Variants in RALGAPA2 observed in about 807,000 individuals in gnomAD.
The protein encoded by RALGAPA2 is Ral GTPase activating protein catalytic subunit alpha 2, also known as ral GTPase-activating protein subunit alpha-2.
In RALGAPA2, 139 loss-of-function variants were observed where a neutral mutation model predicts 230.4. The observed-to-expected ratio is 0.60, with a 90% confidence interval of 0.53 to 0.69. RALGAPA2 has a LOEUF of 0.69. Among genes scored for constraint, RALGAPA2 ranks in the 30% least tolerant of loss-of-function variants. RALGAPA2 has a pLI of 0.00. For missense variants in RALGAPA2, 2,163 were observed against 2,276.0 expected, an observed-to-expected ratio of 0.95 and a Z score of 1.01; for synonymous variants, 847 against 837.8, an observed-to-expected ratio of 1.01 and a Z score of -0.19.
At chr20:20,660,616 C>T (rs532579768) in intron 3 of RALGAPA2, among the ~76,000 whole-genome samples, 1 of 152,138 alleles carries the variant, frequency 6.6e-6, no homozygotes, top group Admixed American at 6.5e-5. Context: ...TGGCATCTAA[C>T]CTCATGAAGT....
intron 14 of RALGAPA2, among the ~76,000 whole-genome samples, chr20:20,608,762 G>A: frequency 6.6e-6 from 1 of 152,176 alleles, no homozygotes; most frequent in Admixed American, 6.5e-5. Flanking sequence ...ACGTAAGAAC[G>A]TGGGAGGTCA....
chr20:20,682,443 A>G (rs2068553251), intron 1 of RALGAPA2, among the ~76,000 whole-genome samples: 1 of 152,140 alleles, frequency 6.6e-6, no homozygotes, highest in Non-Finnish European at 1.5e-5. Flanking sequence ...CCACTAACTG[A>G]GCCCTCTTTC....
At chr20:20,681,049 A>G (rs1361171383) in intron 1 of RALGAPA2, among the ~76,000 whole-genome samples, 1 of 152,216 alleles carries the variant, frequency 6.6e-6, no homozygotes, top group Non-Finnish European at 1.5e-5. Flanking sequence ...CGGAGCTGAC[A>G]GGAGCCAGCA....
At chr20:20,538,068 G>A (rs900534052) in intron 24 of RALGAPA2, among the ~76,000 whole-genome samples, 15 of 152,190 alleles carry the variant, frequency 9.9e-5, no homozygotes, top group Admixed American at 1.3e-4. Context: ...AGAGAGATGA[G>A]GCGCAGTATG....
At chr20:20,689,486 A>G (rs761999041) in intron 1 of RALGAPA2, among the ~76,000 whole-genome samples, 3 of 152,220 alleles carry the variant, frequency 2.0e-5, no homozygotes, top group Non-Finnish European at 2.9e-5. Context: ...TACTAAAAAT[A>G]CAAAAATCAG....
In RALGAPA2 at chr20:20,523,049, A is replaced by T. The variant is rs1602640841; in HGVS notation, c.3900+1357T>A. Among the ~76,000 whole-genome samples the T allele has an allele frequency of 4.6e-5, 7 of 152,258 alleles. No individual in the cohort carries two copies. The East Asian group carries it at 1.3e-3, about 29-fold the overall frequency. ...CCACAATTAGGTGTTTTTTTTTTAA[A>T]GTAATACTTTTAAAAATAAGGCAAC... On this transcript the variant is annotated intron_variant, in intron 30 of 39. Transcript: ENST00000202677.
intron 37 of RALGAPA2, among the ~76,000 whole-genome samples, chr20:20,427,675 G>A (rs568062376): frequency 2.6e-5 from 4 of 152,128 alleles, no homozygotes; most frequent in Middle Eastern, 3.4e-3. Flanking sequence ...GCAATTTGAC[G>A]TGAGGCACTG....
At chr20:20,483,453 TG>T (rs2061829427) in intron 36 of RALGAPA2, among the ~76,000 whole-genome samples, 1 of 152,178 alleles carries the variant, frequency 6.6e-6, no homozygotes, top group African/African-American at 2.4e-5. Context: ...CTGCTTTCCA[TG>T]TAAGTGCCTG....
chr20:20,402,326 A>G (rs1008639753), intron 38 of RALGAPA2, among the ~76,000 whole-genome samples: 8 of 152,238 alleles, frequency 5.3e-5, no homozygotes, highest in Admixed American at 5.2e-4. Context: ...TTGTAAGAGT[A>G]AAAAAAGCTA....
intron 37 of RALGAPA2, among the ~76,000 whole-genome samples, chr20:20,457,767 T>C (rs1448272421): frequency 6.6e-6 from 1 of 152,154 alleles, no homozygotes; most frequent in African/African-American, 2.4e-5. Flanking sequence ...AATTACATAG[T>C]AACTGAGAGG....
intron 36 of RALGAPA2, among the ~76,000 whole-genome samples, chr20:20,488,259 A>G (rs1340508645): frequency 6.6e-6 from 1 of 152,128 alleles, no homozygotes; most frequent in East Asian, 1.9e-4. Flanking sequence ...TCTGCCAAAG[A>G]GGGGATTTTC....
rs574924198 is a variant in RALGAPA2, at chr20:20,390,690, T to TAAAAAAAAAA, written c.*2589_*2598dup. The stretch of plus-strand genomic sequence containing the variant: ...AAAACACAATATTTGCTTTTCTAAG[T>TAAAAAAAAAA]AAAAAAAAAATAAAAAAGAAACTTG... On this transcript the variant is annotated 3_prime_UTR_variant, in exon 40 of 40. Transcript: ENST00000202677. The TAAAAAAAAAA allele has an allele frequency of 1.7e-5, 2 of 117,584 alleles. No homozygotes were observed. Among genetic ancestry groups the TAAAAAAAAAA allele is most frequent in the African/African-American group, 1.0e-4 (2 of 19,276 alleles). 7.3% of individuals were successfully genotyped at this position (117,584 alleles called of 1,614,324 possible).
rs189585600 is a variant in RALGAPA2 at position 20,673,512 on chromosome 20, A to G, written c.270+2724T>C. 2.6e-5 allele frequency among the ~76,000 whole-genome samples: 4 copies of G among 152,206 alleles called. No homozygotes were observed. In the East Asian group the frequency reaches 7.7e-4, roughly 29 times the overall value. On this transcript the variant is annotated intron_variant, in intron 3 of 39. Transcript: ENST00000202677. ...CAATACATTTTAAAACTTTGGTGAT[A>G]AGAACAAATCCTCAGAATTCTTCAA...
At position 20,627,308 on chromosome 20, in the gene RALGAPA2, A is replaced by C. The variant is rs148491358; in HGVS notation, c.1233+2055T>G. ...AAAATTAAGATGCAAACATGAATACAGGTCCCTTTGAAGAAGCAGTCAAGT... is the reference window on the plus strand; with the variant it reads ...AAAATTAAGATGCAAACATGAATACCGGTCCCTTTGAAGAAGCAGTCAAGT... On this transcript the variant is annotated intron_variant, in intron 10 of 39. Transcript: ENST00000202677. Among the ~76,000 whole-genome samples the C allele has an allele frequency of 3.5e-3, 534 of 152,310 alleles. 4 individuals carry two copies. Among genetic ancestry groups the C allele is most frequent in the African/African-American group, 0.012 (501 of 41,562 alleles).
chr20:20,580,769 C>A (rs2064961437), intron 20 of RALGAPA2, among the ~76,000 whole-genome samples: 1 of 152,122 alleles, frequency 6.6e-6, no homozygotes, highest in Non-Finnish European at 1.5e-5. Context: ...TTTCAGCAAA[C>A]ATGATTTAAT....
At chr20:20,624,936 C>CAT (rs2066444929) in intron 10 of RALGAPA2, among the ~76,000 whole-genome samples, 1 of 152,126 alleles carries the variant, frequency 6.6e-6, no homozygotes, top group Non-Finnish European at 1.5e-5. Context: ...CGTCAGTCCC[C>CAT]ATCCCCACCC....
chr20:20,659,846 T>C (rs2067710953), intron 3 of RALGAPA2: 1 of 670,346 alleles, frequency 1.5e-6, no homozygotes, highest in African/African-American at 1.8e-5. Flanking sequence ...AGGAAAGCTA[T>C]TGTCCCTGGA....
chr20:20,450,741 T>C (rs1349092674), intron 37 of RALGAPA2, among the ~76,000 whole-genome samples: 1 of 152,266 alleles, frequency 6.6e-6, no homozygotes, highest in Non-Finnish European at 1.5e-5. Context: ...TGGGTGCCTG[T>C]GATCAGCCTG....
intron 27 of RALGAPA2, 83 bp from the exon 28 acceptor site, chr20:20,526,445 C>G (rs2063206132): frequency 2.3e-6 from 2 of 875,028 alleles, no homozygotes; most frequent in Non-Finnish European, 3.5e-6. Flanking sequence ...TATTTCTTCT[C>G]AGTTCCTTAT....
Sources: allele counts gnomAD v4.1 joint callset (sites outside exome capture counted in the v4.1 genomes callset), GRCh38; gene constraint gnomAD v4.1.1; transcripts MANE v1.5; gene names NCBI Gene and HGNC (gene_info 2026-07-23, HGNC 2026-07-21).